Variants in STAG1 observed in about 807,000 individuals in gnomAD.
STAG1 encodes the protein STAG1 cohesin complex component.
In STAG1, 26 loss-of-function variants were observed where a neutral mutation model predicts 170.9. The ratio of observed to expected loss-of-function variants is 0.15; its 90% CI spans 0.11 to 0.21. The LOEUF (loss-of-function observed/expected upper bound fraction) is 0.21, where lower values mean the gene tolerates loss of function less well. Ranked by LOEUF, STAG1 falls within the 10% of genes least tolerant of loss-of-function variation. The probability of loss-of-function intolerance (pLI) is 1.00; values close to 1 mark genes in which losing one functional copy is unlikely to be tolerated. For missense variants in STAG1, 964 were observed against 1,509.5 expected (o/e 0.64, Z 5.99); for synonymous variants, 514 against 497.7 (o/e 1.03, Z -0.44).
At chr3:136,557,248 A>T (rs532417157) in intron 5 of STAG1, among the ~76,000 whole-genome samples, 1 of 152,246 alleles carries the variant, frequency 6.6e-6, no homozygotes, top group Admixed American at 6.5e-5. Flanking sequence ...AAAAAAAGAA[A>T]AGAAAAGAAA....
intron 1 of STAG1, among the ~76,000 whole-genome samples, chr3:136,747,183 G>T (rs1351138182): frequency 6.8e-6 from 1 of 148,038 alleles, no homozygotes; most frequent in African/African-American, 2.5e-5. Flanking sequence ...TGGGGCAGGA[G>T]AATCACTTGA....
At chr3:136,494,233 T>C (rs543624481) in intron 9 of STAG1, among the ~76,000 whole-genome samples, 17 of 152,272 alleles carry the variant, frequency 1.1e-4, no homozygotes, top group African/African-American at 4.1e-4. Context: ...ATTGTGCCAC[T>C]GCACTCCAGG....
intron 22 of STAG1, among the ~76,000 whole-genome samples, chr3:136,387,929 G>A (rs2086912687): frequency 6.6e-6 from 1 of 152,222 alleles, no homozygotes; most frequent in South Asian, 2.1e-4. Context: ...ACCAAAGTGA[G>A]AGACTTGAAT....
intron 16 of STAG1, among the ~76,000 whole-genome samples, 162 bp downstream of exon 16, chr3:136,433,394 C>G (rs905586036): frequency 1.3e-5 from 2 of 151,940 alleles, no homozygotes; most frequent in Non-Finnish European, 2.9e-5. Flanking sequence ...ATTTTTGGAA[C>G]CTGAGTATAG....
chr3:136,349,590 G>A (rs1445874688), intron 28 of STAG1, among the ~76,000 whole-genome samples: 1 of 152,128 alleles, frequency 6.6e-6, no homozygotes, highest in African/African-American at 2.4e-5. Context: ...ACCTAAGGGT[G>A]TGTATGTATG....
In STAG1 at chr3:136,623,162, C is replaced by A; in HGVS notation, c.116G>T (p.Arg39Leu). Residue 39 changes from arginine (R) to leucine (L), a missense_variant, in exon 3 of 34, where the codon CGT (arginine) becomes CTT (leucine). Transcript: ENST00000383202. ...AATACATACTGGAGGCCGGCCAGGACGACCCCTTTTTCTTTTTCCTTTGAC... is the reference window on the plus strand; with the variant it reads ...AATACATACTGGAGGCCGGCCAGGAAGACCCCTTTTTCTTTTTCCTTTGAC... ...TEVKGKRKRG[R>L]PGRPPSTNKK... 6.2e-7 allele frequency: 1 copy of A among 1,613,450 alleles called. No homozygotes were observed. Among genetic ancestry groups the A allele is most frequent in the Non-Finnish European group, 8.5e-7 (1 of 1,179,584 alleles).
intron 1 of STAG1, among the ~76,000 whole-genome samples, chr3:136,743,780 C>T (rs1215219125): frequency 6.6e-6 from 1 of 152,002 alleles, no homozygotes; most frequent in Non-Finnish European, 1.5e-5. Flanking sequence ...AAAGACATTA[C>T]AATAAAACTA....
At chr3:136,358,429 G>T (rs918355893) in intron 27 of STAG1, among the ~76,000 whole-genome samples, 1 of 152,124 alleles carries the variant, frequency 6.6e-6, no homozygotes, top group Non-Finnish European at 1.5e-5. Flanking sequence ...CCTGGACAGA[G>T]AATTATTAAT....
intron 3 of STAG1, among the ~76,000 whole-genome samples, chr3:136,616,362 G>A (rs1024048362): frequency 2.6e-5 from 4 of 151,998 alleles, no homozygotes; most frequent in Admixed American, 6.6e-5. Context: ...CAATGACTCA[G>A]GTCTTAATTC....
intron 14 of STAG1, among the ~76,000 whole-genome samples, chr3:136,450,776 G>A (rs1289291642): frequency 6.6e-6 from 1 of 151,962 alleles, no homozygotes. Context: ...ACAGAATCTG[G>A]CTCTGTCGCG....
At chr3:136,359,449 T>C (rs192482539) in intron 26 of STAG1, among the ~76,000 whole-genome samples, 153 bp from the exon 27 acceptor site, 76 of 152,334 alleles carry the variant, frequency 5.0e-4, no homozygotes, top group Non-Finnish European at 3.4e-4. Context: ...TTTCTACAAA[T>C]TGTCTATTAT....
chr3:136,747,903 G>A (rs1022514314), intron 1 of STAG1, among the ~76,000 whole-genome samples: 5 of 149,592 alleles, frequency 3.3e-5, no homozygotes, highest in African/African-American at 4.9e-5. Flanking sequence ...CAGCCTCCCC[G>A]GTAGCTAGGA....
intron 21 of STAG1, among the ~76,000 whole-genome samples, chr3:136,415,056 C>T (rs2087734241): frequency 1.3e-5 from 2 of 152,086 alleles, no homozygotes; most frequent in African/African-American, 4.8e-5. Context: ...TTACTGATCA[C>T]CAATCACCAT....
chr3:136,346,691 T>A (rs563055849), intron 29 of STAG1, among the ~76,000 whole-genome samples: 1 of 152,382 alleles, frequency 6.6e-6, no homozygotes, highest in African/African-American at 2.4e-5. Context: ...TGCCAGAGAC[T>A]GACTTAAGTG....
At chr3:136,392,767 A>C (rs1346356205) in intron 22 of STAG1, among the ~76,000 whole-genome samples, 2 of 12,124 alleles carry the variant, frequency 1.6e-4, no homozygotes, top group Non-Finnish European at 2.0e-4. Context: ...CTCCGTCTCA[A>C]AAAAAAAAAA....
chr3:136,376,281 T>C (rs943222175), intron 23 of STAG1, among the ~76,000 whole-genome samples: 2 of 152,154 alleles, frequency 1.3e-5, no homozygotes, highest in Non-Finnish European at 2.9e-5. Flanking sequence ...ATGGAAAATA[T>C]ACATTTTGTT....
At chr3:136,614,641 TGTATC>T (rs1939489777) in intron 3 of STAG1, among the ~76,000 whole-genome samples, 1 of 152,228 alleles carries the variant, frequency 6.6e-6, no homozygotes, top group African/African-American at 2.4e-5. Flanking sequence ...AATTTAAATG[TGTATC>T]TACATTTCTA....
chr3:136,602,038 A>G (rs182115979), intron 4 of STAG1, among the ~76,000 whole-genome samples: 58 of 152,290 alleles, frequency 3.8e-4, no homozygotes, highest in African/African-American at 1.3e-3. Flanking sequence ...ATATGCATGA[A>G]AATTATTTTT....
At chr3:136,598,702 C>T (rs894763717) in intron 4 of STAG1, among the ~76,000 whole-genome samples, 3 of 151,988 alleles carry the variant, frequency 2.0e-5, no homozygotes, top group African/African-American at 7.3e-5. Context: ...ACTGGGATTA[C>T]AGGCGTGAGC....
Sources: allele counts gnomAD v4.1 joint callset (sites outside exome capture counted in the v4.1 genomes callset), GRCh38; gene constraint gnomAD v4.1.1; transcripts MANE v1.5; gene names NCBI Gene and HGNC (gene_info 2026-07-23, HGNC 2026-07-21).